NTMT1: variants seen among roughly 807,000 people sequenced by gnomAD.
NTMT1 encodes N-terminal Xaa-Pro-Lys N-methyltransferase 1.
In NTMT1, 8 loss-of-function variants were observed where a neutral mutation model predicts 17.5. The observed-to-expected ratio is 0.46, with a 90% CI of 0.27 to 0.82. NTMT1 has a LOEUF of 0.82. Ranked by LOEUF, NTMT1 falls within the 40% of genes least tolerant of loss-of-function variation. The probability of loss-of-function intolerance (pLI) is 0.15; values close to 1 mark genes in which losing one functional copy is unlikely to be tolerated. For missense variants in NTMT1, 221 were observed against 303.5 expected (o/e 0.73, Z 2.02); for synonymous variants, 128 against 126.8 (o/e 1.01, Z -0.06).
upstream of NTMT1, among the ~76,000 whole-genome samples, chr9:129,623,188 C>T (rs2118904566): frequency 6.6e-6 from 1 of 151,896 alleles, no homozygotes; most frequent in South Asian, 2.1e-4. Context: ...AAAAAATTAG[C>T]TGGTTGTGGT....
At position 129,635,611 on chromosome 9, in the gene NTMT1, C is replaced by T. The variant is rs1831507723; in HGVS notation, c.*147C>T. Reference sequence around the variant, plus strand: ...CTGCCGTCCACTCATTATGCGGGCTCTTCTTCAAAAGGCAAGGTGGGACCC... The same window carrying T: ...CTGCCGTCCACTCATTATGCGGGCTTTTCTTCAAAAGGCAAGGTGGGACCC... On this transcript the variant is annotated 3_prime_UTR_variant, in exon 4 of 4. Coordinates refer to ENST00000372483, the MANE Select transcript of NTMT1 (RefSeq NM_014064.4). The T allele has an allele frequency of 9.5e-7, 1 of 1,054,218 alleles. No individual in the cohort carries two copies. 65.3% of individuals were successfully genotyped at this position (1,054,218 alleles called of 1,614,324 possible). A position where few individuals can be genotyped will look rare whatever the true frequency, so the allele number is the denominator to read the frequency against.
At position 129,613,396 on chromosome 9, in the gene NTMT1, C is replaced by A; in HGVS notation, c.-55+4218C>A. 6.2e-7 allele frequency: 1 copy of A among 1,604,398 alleles called. No individual in the cohort carries two copies. The highest frequency in any genetic ancestry group is 8.5e-7 in the Non-Finnish European group (1 of 1,173,734). On this transcript the variant is annotated intron_variant, in intron 1 of 3. Transcript: ENST00000372486. This position sits in a 1 kb window ranked among gnomAD's most constrained non-coding sequence, Gnocchi z 6.2. ...AGGCAAGGGGGGTGGAGGGCCCTGGCAATGTCCACGAGTCCCATCCGCTTC... is the reference window on the plus strand; with the variant it reads ...AGGCAAGGGGGGTGGAGGGCCCTGGAAATGTCCACGAGTCCCATCCGCTTC...
chr9:129,634,746 CCACCTCCTGAGGCGGG>C, intron 3 of NTMT1: 1 of 218,138 alleles, frequency 4.6e-6, no homozygotes, highest in Non-Finnish European at 9.1e-6. Flanking sequence ...CAGCAGTCGG[CCACCTCCTGAGGCGGG>C]CAGCACAGGC....
chr9:129,612,811 CAG>C lies in NTMT1; in HGVS notation c.-55+3636_-55+3637del, dbSNP rs1008136237. ...CACCACTGCACTCCAGCCTGGGCGACAGAGCAACACTCTGTCTCAAAAAAGCA... is the reference window on the plus strand; with the variant it reads ...CACCACTGCACTCCAGCCTGGGCGACAGCAACACTCTGTCTCAAAAAAGCA... On this transcript the variant is annotated intron_variant, in intron 1 of 3. Transcript: ENST00000372486. Among the ~76,000 whole-genome samples, 12 of 151,970 alleles carry C rather than the reference CAG, an allele frequency of 7.9e-5. 1 individual carries two copies. The highest frequency in any genetic ancestry group is 1.3e-4 in the Admixed American group (2 of 15,262).
upstream of NTMT1, among the ~76,000 whole-genome samples, chr9:129,621,163 A>G (rs370828648): frequency 1.3e-4 from 20 of 152,286 alleles, no homozygotes; most frequent in East Asian, 3.5e-3. Flanking sequence ...TTAGCGCTCT[A>G]CTGGGAATTA....
In NTMT1 at chr9:129,613,625, T is replaced by G; in HGVS notation, c.-55+4447T>G. 1 of 1,613,320 alleles carries G rather than the reference T, an allele frequency of 6.2e-7. No homozygotes were observed. The highest frequency in any genetic ancestry group is 8.5e-7 in the Non-Finnish European group (1 of 1,179,604). Reference sequence around the variant, plus strand: ...GCAGGAAAGAGGGCAGGGTGAGATCTCTGCCCAGGAGGAGGGCACTGGTGC... The same window carrying G: ...GCAGGAAAGAGGGCAGGGTGAGATCGCTGCCCAGGAGGAGGGCACTGGTGC... On this transcript the variant is annotated intron_variant, in intron 1 of 3. Transcript: ENST00000372486. This position sits in a 1 kb window ranked among gnomAD's most constrained non-coding sequence, Gnocchi z 6.2.
rs200365767 is a variant in NTMT1, at chr9:129,635,313, T to C, written c.521T>C (p.Val174Ala). 1.2e-6 allele frequency: 2 copies of C among 1,613,742 alleles called. No homozygotes were observed. Among genetic ancestry groups the C allele is most frequent in the African/African-American group, 2.7e-5 (2 of 75,022 alleles). The change falls in exon 4 of 4, where the codon GTG becomes GCG. Residue 174 changes from valine (V) to alanine (A), a missense_variant. Coordinates refer to ENST00000372483, the MANE Select transcript of NTMT1 (RefSeq NM_014064.4). ...VIKDNMAQEG[V>A]ILDDVDSSVC... is the part of the protein sequence containing the mutation. Reference sequence around the variant, plus strand: ...AAAGACAACATGGCCCAGGAGGGCGTGATTCTGGACGACGTGGACAGCAGC... The same window carrying C: ...AAAGACAACATGGCCCAGGAGGGCGCGATTCTGGACGACGTGGACAGCAGC...
At chr9:129,615,276 C>CTA (rs1564334136) in intron 1 of NTMT1, among the ~76,000 whole-genome samples, 2 of 152,210 alleles carry the variant, frequency 1.3e-5, no homozygotes, top group African/African-American at 4.8e-5. Flanking sequence ...TGGAACACCT[C>CTA]CACTGGACTC....
chr9:129,611,334 C>T (rs1372712933), intron 1 of NTMT1, among the ~76,000 whole-genome samples: 1 of 152,232 alleles, frequency 6.6e-6, no homozygotes. Context: ...CAAACTTTCT[C>T]CAGGGGGCTG....
chr9:129,628,942 T>C (rs532592882), intron 1 of NTMT1, among the ~76,000 whole-genome samples: 1 of 152,284 alleles, frequency 6.6e-6, no homozygotes, highest in African/African-American at 2.4e-5. Flanking sequence ...CATGGTCCAG[T>C]CTGAATGGGA....
At chr9:129,618,689 T>A (rs1830510453) in intron 1 of NTMT1, among the ~76,000 whole-genome samples, 1 of 151,786 alleles carries the variant, frequency 6.6e-6, no homozygotes, top group African/African-American at 2.4e-5. Flanking sequence ...TTATTTTATT[T>A]TATTTTATTT....
chr9:129,619,649 C>CA, intron 1 of NTMT1: 1 of 1,613,704 alleles, frequency 6.2e-7, no homozygotes, highest in Non-Finnish European at 8.5e-7. Context: ...TAAAGACAAA[C>CA]AGGCCACATC....
In NTMT1 at chr9:129,620,323, GA is replaced by G; in HGVS notation, c.-55+11146del. On this transcript the variant is annotated intron_variant, in intron 1 of 3. Coordinates refer to the NTMT1 transcript ENST00000372486. The surrounding 1 kb of genome is among the most constrained non-coding windows in gnomAD (Gnocchi z 5.8). Reference sequence around the variant, plus strand: ...TCCGCACGGCCCGCCGGGTCGCGGTGAGCAAGGCGGGCAGGCGCGGCGGGAG... The same window carrying G: ...TCCGCACGGCCCGCCGGGTCGCGGTGGCAAGGCGGGCAGGCGCGGCGGGAG... 1 of 1,236,020 alleles carries G rather than the reference GA, an allele frequency of 8.1e-7. No homozygotes were observed. Among genetic ancestry groups the G allele is most frequent in the South Asian group, 3.8e-5 (1 of 26,076 alleles). The allele number at this position is 1,236,020 out of a possible 1,614,324, so 76.6% of individuals were successfully genotyped here.
Position 129,619,878 on chromosome 9 carries a change from T to C in NTMT1, c.-55+10700T>C, listed in dbSNP as rs751900677. On this transcript the variant is annotated intron_variant, in intron 1 of 3. Transcript: ENST00000372486. ...GTGAGCCTTGGCTGGGGGACGGTCC[T>C]TTCTAGTCATGTGGCCTCGGGGTGA... 4.1e-5 allele frequency: 65 copies of C among 1,594,332 alleles called. 9 individuals are homozygous for C. In the South Asian group the frequency reaches 6.7e-4, roughly 17 times the overall value.
exon 1 of NTMT1, chr9:129,609,017 A>T (rs1830058705): frequency 6.6e-6 from 1 of 152,342 alleles, no homozygotes; most frequent in Non-Finnish European, 1.5e-5. Context: ...TGTGATCTTG[A>T]GAAAGAGTTG....
intron 1 of NTMT1, among the ~76,000 whole-genome samples, chr9:129,629,877 A>G (rs981713033): frequency 6.6e-6 from 1 of 152,126 alleles, no homozygotes; most frequent in Non-Finnish European, 1.5e-5. Context: ...AGCAGGGAGG[A>G]TGGCTTGAGC....
intron 1 of NTMT1, among the ~76,000 whole-genome samples, chr9:129,611,409 C>G (rs950134147): frequency 2.6e-5 from 4 of 152,224 alleles, no homozygotes; most frequent in Non-Finnish European, 5.9e-5. Flanking sequence ...TCGCCACCTC[C>G]TGATGCAGAT....
chr9:129,632,107 T>G (rs1446539019), intron 1 of NTMT1, among the ~76,000 whole-genome samples: 1 of 152,186 alleles, frequency 6.6e-6, no homozygotes, highest in East Asian at 1.9e-4. Context: ...ATCAGGGTTT[T>G]CTGTGCCCTG....
intron 1 of NTMT1, among the ~76,000 whole-genome samples, chr9:129,630,338 C>G (rs1405148004): frequency 6.6e-6 from 1 of 151,936 alleles, no homozygotes; most frequent in African/African-American, 2.4e-5. Flanking sequence ...CCAGGTGTGG[C>G]GGTATGTGCC....
Sources: allele counts gnomAD v4.1 joint callset (sites outside exome capture counted in the v4.1 genomes callset), GRCh38; gene constraint gnomAD v4.1.1; non-coding constraint Gnocchi (gnomAD v3.1); transcripts MANE v1.5; gene names NCBI Gene and HGNC (gene_info 2026-07-23, HGNC 2026-07-21).